MYL5: variants seen among roughly 807,000 people sequenced by gnomAD.
The protein encoded by MYL5 is myosin light chain 5, also known as myosin regulatory light chain 5.
A neutral mutation model predicts 20.8 loss-of-function variants in MYL5; 28 were observed. The observed-to-expected ratio is 1.35, with a 90% CI of 1.00 to 1.84. The LOEUF is 1.84. Ranked by LOEUF, MYL5 falls within the 40% of genes most tolerant of loss-of-function variation. The pLI is 0.00. For synonymous variants in MYL5, 118 were observed against 87.4 expected (o/e 1.35, Z -1.95); for missense variants, 274 against 227.3 (o/e 1.21, Z -1.32).
At chr4:678,250 C>T (rs1739055916) in intron 1 of MYL5, 2 of 1,474,838 alleles carry the variant, frequency 1.4e-6, no homozygotes, top group Non-Finnish European at 1.8e-6. Context: ...GTACGTGCCT[C>T]ACGTTGCTCT....
At chr4:681,134 G>A (rs3208632) in exon 6 of MYL5, 14 of 1,606,284 alleles carry the variant, frequency 8.7e-6, no homozygotes, top group South Asian at 1.1e-5. Context: ...AGATGACGGC[G>A]GAAGAGGTCT....
exon 2 of MYL5, chr4:678,663 C>T: frequency 1.2e-6 from 2 of 1,607,180 alleles, no homozygotes; most frequent in Non-Finnish European, 1.7e-6. Flanking sequence ...CGCAGGCCAG[C>T]AGGAAGACCA....
chr4:680,967 T>A, intron 5 of MYL5, 125 bp from the exon 8 acceptor site: 2 of 1,116,552 alleles, frequency 1.8e-6, no homozygotes, highest in Admixed American at 2.1e-5. Flanking sequence ...AGGGCCACAC[T>A]CCAGCGGGAA....
At chr4:678,435 C>T in intron 1 of MYL5, 1 of 1,425,332 alleles carries the variant, frequency 7.0e-7, no homozygotes, top group Admixed American at 2.9e-5. Flanking sequence ...AAGCCACTGT[C>T]CCTCCCCCAG....
At chr4:681,016 T>G in intron 5 of MYL5, 76 bp from the exon 8 acceptor site, 1 of 1,508,190 alleles carries the variant, frequency 6.6e-7, no homozygotes, top group Non-Finnish European at 9.0e-7. Flanking sequence ...CTGGGGCCCC[T>G]GGAGCACCTG....
chr4:678,423 G>T, intron 1 of MYL5: 1 of 1,421,466 alleles, frequency 7.0e-7, no homozygotes. Context: ...TGGGCCTTCT[G>T]GAAGCCACTG....
intron 6 of MYL5, 66 bp downstream of exon 8, chr4:681,206 G>C: frequency 1.3e-6 from 2 of 1,547,962 alleles, no homozygotes; most frequent in South Asian, 2.3e-5. Context: ...TCAGCTGGGT[G>C]GAGGGGGACG....
chr4:680,012 C>A (rs758933264), exon 4 of MYL5: 1 of 1,612,048 alleles, frequency 6.2e-7, no homozygotes, highest in East Asian at 2.2e-5. Flanking sequence ...TGGGGAGAAG[C>A]TGAGCGGTGA....
At chr4:678,920 CG>C in intron 2 of MYL5, 37 bp from the exon 5 acceptor site, 1 of 1,611,742 alleles carries the variant, frequency 6.2e-7, no homozygotes, top group Non-Finnish European at 8.5e-7. Context: ...AGAGCCCAGC[CG>C]GGTTGGCAGC....
upstream of MYL5, chr4:675,813 AC>A: frequency 6.6e-6 from 1 of 152,364 alleles, no homozygotes; most frequent in Non-Finnish European, 1.5e-5. Flanking sequence ...AGGAGCGTGA[AC>A]CCTACTGTGA....
At chr4:678,157 TCTGC>T in intron 1 of MYL5, 128 bp downstream of exon 3, 1 of 1,545,752 alleles carries the variant, frequency 6.5e-7, no homozygotes, top group Non-Finnish European at 8.7e-7. Flanking sequence ...GGGCGTGTGC[TCTGC>T]CTGCATATGT....
chr4:676,888 C>T (rs1025456727), upstream of MYL5: 3 of 985,390 alleles, frequency 3.0e-6, no homozygotes, highest in Non-Finnish European at 3.6e-6. Flanking sequence ...CCTCAGGAGT[C>T]AGTGCTTCAT....
upstream of MYL5, among the ~76,000 whole-genome samples, chr4:677,142 G>A (rs1008012821): frequency 2.6e-5 from 4 of 152,218 alleles, no homozygotes; most frequent in South Asian, 4.1e-4. Context: ...TACCTACTGC[G>A]TCCCACGCAG....
At chr4:675,175 C>T (rs1738745099), upstream of MYL5, 1 of 152,604 alleles carries the variant, frequency 6.6e-6, no homozygotes, top group South Asian at 2.1e-4. Flanking sequence ...CCCACAGCTG[C>T]CCAGAGATGG....
chr4:680,080 C>A, intron 4 of MYL5, 62 bp downstream of exon 6: 2 of 1,370,892 alleles, frequency 1.5e-6, no homozygotes, highest in Non-Finnish European at 1.0e-6. Context: ...GAGATCCGGA[C>A]ATTTCACGTA....
Position 680,559 on chromosome 4 carries a change from G to A in MYL5, c.343G>A (p.Asp115Asn), listed in dbSNP as rs760168482. The change falls in exon 5 of 7, where the codon GAC becomes AAC. Residue 115 changes from aspartate (D) to asparagine (N), a missense_variant. Transcript: ENST00000400159. Reference sequence around the variant, plus strand: ...TAACGCCTTCAAGATGCTGGACCCGGACGGGAAAGGGAAAATCAACAAGGA... The same window carrying A: ...TAACGCCTTCAAGATGCTGGACCCGAACGGGAAAGGGAAAATCAACAAGGA... 3.1e-6 allele frequency: 5 copies of A among 1,613,410 alleles called. No individual in the cohort carries two copies. In the East Asian group the frequency reaches 8.9e-5, roughly 29 times the overall value.
At chr4:674,720 G>A, upstream of MYL5, 1 of 185,320 alleles carries the variant, frequency 5.4e-6, no homozygotes, top group Non-Finnish European at 1.1e-5. Flanking sequence ...CCCGCGGACC[G>A]CGCCCACCCG....
At chr4:680,096 C>T (rs1739301179) in intron 4 of MYL5, 78 bp downstream of exon 6, 12 of 1,338,276 alleles carry the variant, frequency 9.0e-6, no homozygotes, top group Non-Finnish European at 1.2e-5. Flanking sequence ...ACGTAAAAAT[C>T]TCTCTTTTCC....
At position 680,560 on chromosome 4, in the gene MYL5, AC is replaced by A. The variant is rs376244258; in HGVS notation, c.345del (p.Asp115GlufsTer15). The stretch of plus-strand genomic sequence containing the variant: ...AACGCCTTCAAGATGCTGGACCCGG[AC>A]GGGAAAGGGAAAATCAACAAGGAGT... On this transcript the variant is annotated frameshift_variant, in exon 5 of 7. Coordinates refer to ENST00000400159, the Ensembl canonical transcript of MYL5. LOFTEE classifies it high-confidence loss of function. 1.2e-4 allele frequency: 190 copies of A among 1,613,430 alleles called. 1 individual carries two copies. In the East Asian group the frequency reaches 3.2e-3, roughly 27 times the overall value.
Sources: gnomAD v4.1 joint callset for allele counts (sites outside exome capture counted in the v4.1 genomes callset) on GRCh38, gnomAD v4.1.1 for gene constraint, MANE v1.5 for transcripts, NCBI Gene and HGNC (gene_info 2026-07-23, HGNC 2026-07-21) for gene names.